The following MFSD8 variants were observed in gnomAD, a reference collection of about 807,000 sequenced individuals.
The protein encoded by MFSD8 is major facilitator superfamily domain-containing protein 8.
In MFSD8, 55 loss-of-function variants were observed where a neutral mutation model predicts 66.4. The observed-to-expected ratio is 0.83, with a 90% CI of 0.67 to 1.04. The LOEUF (loss-of-function observed/expected upper bound fraction) is 1.04, where lower values mean the gene tolerates loss of function less well. Ranked by LOEUF, MFSD8 falls within the 50% of genes least tolerant of loss-of-function variation. The probability of loss-of-function intolerance (pLI) is 0.00; values close to 1 mark genes in which losing one functional copy is unlikely to be tolerated. For synonymous variants in MFSD8, 202 were observed against 212.8 expected (o/e 0.95, Z 0.44); for missense variants, 550 against 627.6 (o/e 0.88, Z 1.32).
Position 127,921,678 on chromosome 4 carries a change from G to A in MFSD8, c.1196C>T (p.Thr399Ile). The change falls in exon 11 of 12, where the codon ACT (threonine) becomes ATT (isoleucine). Residue 399 changes from threonine to isoleucine, a missense_variant. Coordinates refer to ENST00000641686, the MANE Select transcript of MFSD8 (RefSeq NM_001371596.2). ...SPMEDDNERP[T>I]GCSIEQAWCL... ...CCAGGCTTGTTCAATCGAGCAACCA[G>A]TTGGTCTTTCATTGTCATCTTCCAT... is the stretch of plus-strand genomic sequence containing the variant. The A allele has an allele frequency of 2.5e-6, 4 of 1,614,188 alleles. No homozygotes were observed. The South Asian group carries it at 4.4e-5, about 18-fold the overall frequency.
intron 3 of MFSD8, among the ~76,000 whole-genome samples, chr4:127,947,252 T>C (rs1021071755): frequency 2.6e-5 from 4 of 151,982 alleles, no homozygotes; most frequent in African/African-American, 9.7e-5. Context: ...TAGCCAGGAA[T>C]GGTGGCGGGT....
chr4:127,941,463 T>C (rs1055371773), intron 5 of MFSD8, among the ~76,000 whole-genome samples: 4 of 152,080 alleles, frequency 2.6e-5, no homozygotes, highest in Admixed American at 2.6e-4. Context: ...AAATACTAAA[T>C]CTCATTAATT....
rs555467072 is a variant in MFSD8 at position 127,948,273 on chromosome 4, T to C, written c.198+1531A>G. Among the ~76,000 whole-genome samples, 3 of 152,190 alleles carry C rather than the reference T, an allele frequency of 2.0e-5. No individual in the cohort carries two copies. The East Asian group carries it at 5.8e-4, about 29-fold the overall frequency. ...CTCTAAAGTAATTATTGGTCACAGC[T>C]AGTGCTAGGAAAAGGCAGCCTCCTA... is the stretch of plus-strand genomic sequence containing the variant. On this transcript the variant is annotated intron_variant, in intron 3 of 11. Transcript: ENST00000641686.
In MFSD8 at chr4:127,930,798, T is replaced by C. The variant is rs1429999400; in HGVS notation, c.883A>G (p.Met295Val). The C allele has an allele frequency of 6.2e-7, 1 of 1,611,330 alleles. No individual in the cohort carries two copies. The stretch of plus-strand genomic sequence containing the variant: ...TCTTGAGTCCAGGCATACATATCCA[T>C]TGTTAATGGAGTAATGATGCTAAGA... ...LFETIITPLT[M>V]DMYAWTQEQA... Residue 295 changes from methionine (M) to valine (V), a missense_variant, in exon 9 of 12, where the codon ATG (methionine) becomes GTG (valine). Met to Val is a conservative substitution (Grantham distance 21). Coordinates refer to ENST00000641686, the MANE Select transcript of MFSD8 (RefSeq NM_001371596.2).
chr4:127,927,396 G>A (rs1326871756), intron 9 of MFSD8, among the ~76,000 whole-genome samples: 3 of 152,188 alleles, frequency 2.0e-5, no homozygotes, highest in Admixed American at 6.5e-5. Context: ...GGCTGGTCTC[G>A]AACTTCTGAC....
At chr4:127,932,702 A>G (rs1049410020) in intron 8 of MFSD8, 1 of 274,440 alleles carries the variant, frequency 3.6e-6, no homozygotes. Flanking sequence ...ATGGCACTAA[A>G]GTTTTATAAC....
intron 8 of MFSD8, among the ~76,000 whole-genome samples, chr4:127,931,502 C>G (rs1401874976): frequency 6.6e-6 from 1 of 152,050 alleles, no homozygotes; most frequent in East Asian, 1.9e-4. Context: ...GGACTAAAGG[C>G]GCCTGCCACC....
intron 7 of MFSD8, among the ~76,000 whole-genome samples, chr4:127,937,374 T>C (rs1173783097): frequency 6.6e-6 from 1 of 152,190 alleles, no homozygotes; most frequent in African/African-American, 2.4e-5. Context: ...AATCAAAACC[T>C]GGCAGCAATG....
intron 3 of MFSD8, among the ~76,000 whole-genome samples, chr4:127,947,644 T>C (rs1255406526): frequency 6.7e-6 from 1 of 148,324 alleles, no homozygotes; most frequent in African/African-American, 2.5e-5. Context: ...GAGCAAAACC[T>C]TGAAGAGTGA....
rs182680051 is a variant in MFSD8, at chr4:127,952,766, A to G, written c.155-2919T>C. Among the ~76,000 whole-genome samples the G allele has an allele frequency of 3.8e-4, 56 of 149,322 alleles. 1 individual carries two copies. In the East Asian group the frequency reaches 0.01, roughly 28 times the overall value. Reference sequence around the variant, plus strand: ...GCACCTGTAGTCTCATCTATTCAGGAGGCTGAGGCAGGAGAATCGCTTGAA... The same window carrying G: ...GCACCTGTAGTCTCATCTATTCAGGGGGCTGAGGCAGGAGAATCGCTTGAA... On this transcript the variant is annotated intron_variant, in intron 2 of 11. Coordinates refer to ENST00000641686, the MANE Select transcript of MFSD8 (RefSeq NM_001371596.2).
intron 1 of MFSD8, among the ~76,000 whole-genome samples, chr4:127,960,886 A>G (rs1743628773): frequency 6.6e-6 from 1 of 152,212 alleles, no homozygotes; most frequent in Non-Finnish European, 1.5e-5. Flanking sequence ...ACTTATTATT[A>G]TATTTTAAAT....
At chr4:127,960,267 G>T (rs1276068366) in intron 1 of MFSD8, among the ~76,000 whole-genome samples, 1 of 152,218 alleles carries the variant, frequency 6.6e-6, no homozygotes, top group African/African-American at 2.4e-5. Flanking sequence ...AGTGGCTCAT[G>T]CCTGTAATCC....
chr4:127,950,780 G>A (rs1222201241), intron 2 of MFSD8, among the ~76,000 whole-genome samples: 1 of 152,004 alleles, frequency 6.6e-6, no homozygotes, highest in Non-Finnish European at 1.5e-5. Context: ...TACTGAGGCT[G>A]GGCACAGTGT....
intron 9 of MFSD8, among the ~76,000 whole-genome samples, chr4:127,924,526 C>T (rs1408387005): frequency 6.6e-6 from 1 of 152,126 alleles, no homozygotes; most frequent in Non-Finnish European, 1.5e-5. Flanking sequence ...AGGAATACAA[C>T]TTACAAGGGA....
At chr4:127,947,972 A>G (rs1335587246) in intron 3 of MFSD8, among the ~76,000 whole-genome samples, 2 of 152,156 alleles carry the variant, frequency 1.3e-5, no homozygotes, top group South Asian at 2.1e-4. Flanking sequence ...GAATTTAAGA[A>G]TAAGTCATTA....
At chr4:127,925,553 CAGTT>C (rs1333526005) in intron 9 of MFSD8, among the ~76,000 whole-genome samples, 2 of 152,136 alleles carry the variant, frequency 1.3e-5, no homozygotes, top group African/African-American at 4.8e-5. Context: ...CATCTCACAC[CAGTT>C]AGAGTGGCAA....
intron 6 of MFSD8, chr4:127,939,624 A>AC (rs1560747075): frequency 6.2e-6 from 2 of 324,226 alleles, no homozygotes; most frequent in Non-Finnish European, 5.6e-6. Flanking sequence ...AAAAAAAAAA[A>AC]AAAAAAAACT....
At chr4:127,950,195 G>T (rs1490545209) in intron 2 of MFSD8, among the ~76,000 whole-genome samples, 1 of 152,168 alleles carries the variant, frequency 6.6e-6, no homozygotes, top group Admixed American at 6.6e-5. Flanking sequence ...GGAAGTGCTA[G>T]GCTTCTATCC....
At chr4:127,922,890 T>C (rs1236232410) in intron 9 of MFSD8, among the ~76,000 whole-genome samples, 1 of 152,182 alleles carries the variant, frequency 6.6e-6, no homozygotes, top group Non-Finnish European at 1.5e-5. Flanking sequence ...TTAATGGATC[T>C]ATGGAATAAT....
Sources: gnomAD v4.1 joint callset for allele counts (sites outside exome capture counted in the v4.1 genomes callset) on GRCh38, gnomAD v4.1.1 for gene constraint, MANE v1.5 for transcripts, NCBI Gene and HGNC (gene_info 2026-07-23, HGNC 2026-07-21) for gene names.